CABIN1: variants seen among roughly 807,000 people sequenced by gnomAD.
CABIN1 encodes the protein calcineurin-binding protein cabin-1.
A neutral mutation model predicts 227.7 loss-of-function variants in CABIN1; 133 were observed. The ratio of observed to expected loss-of-function variants is 0.58; its 90% CI spans 0.51 to 0.67. The LOEUF is 0.67. CABIN1 is among the 30% of genes least tolerant of loss of function. CABIN1 has a pLI of 0.00. For synonymous variants in CABIN1, 1,086 were observed against 1,155.1 expected, an observed-to-expected ratio of 0.94 and a Z score of 1.21; for missense variants, 2,408 against 2,852.5, an observed-to-expected ratio of 0.84 and a Z score of 3.55.
intron 29 of CABIN1, among the ~76,000 whole-genome samples, chr22:24,143,828 GC>G (rs1160195244): frequency 6.6e-6 from 1 of 152,128 alleles, no homozygotes; most frequent in Non-Finnish European, 1.5e-5. Flanking sequence ...TCTACCCTCT[GC>G]CCCCTGGGCC....
intron 26 of CABIN1, among the ~76,000 whole-genome samples, chr22:24,107,417 G>C (rs1042603596): frequency 6.6e-6 from 1 of 152,202 alleles, no homozygotes; most frequent in Non-Finnish European, 1.5e-5. Flanking sequence ...GCTCAGGAAG[G>C]GCCTGGCAAA....
At chr22:24,172,926 T>C (rs1601294632) in intron 34 of CABIN1, among the ~76,000 whole-genome samples, 1 of 152,166 alleles carries the variant, frequency 6.6e-6, no homozygotes, top group Non-Finnish European at 1.5e-5. Flanking sequence ...GTGGCCAGGC[T>C]CTGAAGGCCC....
At chr22:24,104,156 A>ATC (rs374704639) in intron 26 of CABIN1, among the ~76,000 whole-genome samples, 265 of 151,866 alleles carry the variant, frequency 1.7e-3, no homozygotes, top group Admixed American at 5.1e-3. Context: ...TGGTCACAGG[A>ATC]TCTCTCTCTC....
Position 24,021,006 on chromosome 22 carries a change from T to A in CABIN1, c.-75+9639T>A, listed in dbSNP as rs147048783. ...TCCACTTGATTTGTCTTTAAAAAAA[T>A]TTTTTTTTTTTGAGACAGGGTCTCA... On this transcript the variant is annotated intron_variant, in intron 1 of 36. Coordinates refer to ENST00000263119, the MANE Select transcript of CABIN1 (RefSeq NM_012295.4). 5.7e-3 allele frequency among the ~76,000 whole-genome samples: 839 copies of A among 147,928 alleles called. 4 individuals are homozygous for A. Among genetic ancestry groups the A allele is most frequent in the Non-Finnish European group, 6.4e-3 (428 of 66,568 alleles).
At chr22:24,120,298 G>T (rs1422330674) in intron 28 of CABIN1, among the ~76,000 whole-genome samples, 1 of 152,216 alleles carries the variant, frequency 6.6e-6, no homozygotes, top group African/African-American at 2.4e-5. Context: ...GAAAGCGGAT[G>T]ATGTAGCGAT....
chr22:24,164,551 C>A lies in CABIN1; in HGVS notation c.4898C>A (p.Pro1633Gln). 6.2e-7 allele frequency: 1 copy of A among 1,604,408 alleles called. No individual in the cohort carries two copies. Residue 1633 changes from proline to glutamine, a missense_variant, in exon 30 of 37, where the codon CCA (proline) becomes CAA (glutamine). By Grantham distance (76) the Pro-to-Gln change is moderately conservative (BLOSUM62 -1). Around this residue, in one of 3 missense-constraint regions of CABIN1, gnomAD observed 649 missense variants for 910.3 expected, o/e 0.71. Coordinates refer to ENST00000263119, the MANE Select transcript of CABIN1 (RefSeq NM_012295.4). Reference protein sequence around the residue: ...LKVSSMLQRTPDQGKKYLRDA... With the variant: ...LKVSSMLQRTQDQGKKYLRDA... ...GTGTCCTCCATGCTTCAGCGGACCC[C>A]AGACCAGGGCAAGTGAGTGCAGCCA... is the stretch of plus-strand genomic sequence containing the variant.
At position 24,021,854 on chromosome 22, in the gene CABIN1, T is replaced by G. The variant is rs1421777308; in HGVS notation, c.-75+10487T>G. Among the ~76,000 whole-genome samples, 4 of 152,280 alleles carry G rather than the reference T, an allele frequency of 2.6e-5. No individual in the cohort carries two copies. In the East Asian group the frequency reaches 7.7e-4, roughly 29 times the overall value. On this transcript the variant is annotated intron_variant, in intron 1 of 36. Transcript: ENST00000263119. ...CACATGCCACCATGCCCAGCTATTT[T>G]TTGTATTTTTAGTAGAGATGGGGTT...
intron 26 of CABIN1, among the ~76,000 whole-genome samples, chr22:24,112,374 A>G (rs1008364211): frequency 1.3e-5 from 2 of 152,180 alleles, no homozygotes; most frequent in East Asian, 3.8e-4. Context: ...ATCATAGCTC[A>G]CTGCAGCCTT....
At chr22:24,178,002 G>A (rs1451028829) in intron 36 of CABIN1, 51 bp from the exon 37 acceptor site, 1 of 1,610,132 alleles carries the variant, frequency 6.2e-7, no homozygotes, top group African/African-American at 1.3e-5. Context: ...GAGGGGCTTG[G>A]GGCAGAGCCC....
intron 24 of CABIN1, among the ~76,000 whole-genome samples, chr22:24,095,386 G>A (rs1195683029): frequency 6.6e-6 from 1 of 152,238 alleles, no homozygotes; most frequent in African/African-American, 2.4e-5. Flanking sequence ...ATGGAGGAAA[G>A]CACAGGGCCC....
chr22:24,098,238 A>G (rs756334974), intron 26 of CABIN1, 46 bp downstream of exon 26: 109 of 1,398,104 alleles, frequency 7.8e-5, no homozygotes, highest in South Asian at 2.7e-4. Context: ...CGGCACATCA[A>G]TCACGGGGGG....
At chr22:24,154,735 AGT>A (rs1293130521) in intron 29 of CABIN1, among the ~76,000 whole-genome samples, 3 of 152,128 alleles carry the variant, frequency 2.0e-5, no homozygotes, top group African/African-American at 7.2e-5. Flanking sequence ...GAGGGCAGAG[AGT>A]GTGACATTAC....
In CABIN1 at chr22:24,068,962, G is replaced by T. The variant is rs1008906907; in HGVS notation, c.2232+1781G>T. ...GAGGGACCCCATGTTCTCGAGGGGG[G>T]GCAGACAAGAGACCCATCAACAGAG... On this transcript the variant is annotated intron_variant, in intron 16 of 36. Coordinates refer to ENST00000263119, the MANE Select transcript of CABIN1 (RefSeq NM_012295.4). 3.9e-3 allele frequency among the ~76,000 whole-genome samples: 592 copies of T among 152,336 alleles called. 2 individuals are homozygous for T. Among genetic ancestry groups the T allele is most frequent in the Middle Eastern group, 6.8e-3 (2 of 294 alleles).
intron 22 of CABIN1, among the ~76,000 whole-genome samples, chr22:24,087,125 C>G (rs1209196304): frequency 6.6e-6 from 1 of 152,200 alleles, no homozygotes; most frequent in African/African-American, 2.4e-5. Context: ...AGCAGGGGAA[C>G]AGAGTCCAAG....
chr22:24,097,981 T>G (rs2041991693), intron 25 of CABIN1, 33 bp from the exon 26 acceptor site: 3 of 1,613,838 alleles, frequency 1.9e-6, no homozygotes, highest in African/African-American at 1.3e-5. Context: ...AGGTGGAGAC[T>G]CTGACCTGTG....
At chr22:24,157,666 C>T (rs2045917450) in intron 29 of CABIN1, among the ~76,000 whole-genome samples, 1 of 152,204 alleles carries the variant, frequency 6.6e-6, no homozygotes. Flanking sequence ...TTCCTCCAAG[C>T]TGTTTCGCCG....
chr22:24,117,419 C>T (rs1184521855), intron 27 of CABIN1, among the ~76,000 whole-genome samples: 2 of 152,170 alleles, frequency 1.3e-5, no homozygotes, highest in Non-Finnish European at 2.9e-5. Context: ...AGGCTAGTCT[C>T]AAACTCTTGG....
At chr22:24,146,336 C>A (rs537228871) in intron 29 of CABIN1, among the ~76,000 whole-genome samples, 1 of 152,298 alleles carries the variant, frequency 6.6e-6, no homozygotes, top group East Asian at 1.9e-4. Context: ...TGTGTGGATT[C>A]TAAATGTATC....
intron 24 of CABIN1, chr22:24,092,109 G>A: frequency 3.7e-6 from 2 of 535,244 alleles, no homozygotes; most frequent in Non-Finnish European, 6.7e-6. Context: ...CAGGTTCTAA[G>A]AACCTGACCT....
Sources: allele counts gnomAD v4.1 joint callset (sites outside exome capture counted in the v4.1 genomes callset), GRCh38; gene constraint gnomAD v4.1.1; regional missense constraint gnomAD v4.1.1; transcripts MANE v1.5; gene names NCBI Gene and HGNC (gene_info 2026-07-23, HGNC 2026-07-21).